RBFOX1: variants seen among roughly 807,000 people sequenced by gnomAD.
RBFOX1 encodes the protein RNA binding fox-1 homolog 1, also known as RNA binding protein fox-1 homolog 1.
In RBFOX1, 8 loss-of-function variants were observed where a neutral mutation model predicts 57.7. That is an observed-to-expected ratio of 0.14 (90% confidence interval 0.08 to 0.25). RBFOX1 has a LOEUF of 0.25. RBFOX1 is among the 10% of genes least tolerant of loss of function. The pLI is 1.00. For missense variants in RBFOX1, 611 were observed against 548.5 expected (o/e 1.11, Z -1.14); for synonymous variants, 326 against 222.4 (o/e 1.47, Z -4.15).
intron 4 of RBFOX1, among the ~76,000 whole-genome samples, chr16:7,061,469 C>A (rs2054253104): frequency 6.6e-6 from 1 of 152,050 alleles, no homozygotes; most frequent in African/African-American, 2.4e-5. Flanking sequence ...GTACAGGTGT[C>A]CACTTTTCTT....
chr16:7,204,382 C>A (rs1049341524), intron 4 of RBFOX1, among the ~76,000 whole-genome samples: 3 of 150,954 alleles, frequency 2.0e-5, no homozygotes, highest in Non-Finnish European at 4.4e-5. Context: ...TGGCATATAC[C>A]TGAAATCCCA....
intron 1 of RBFOX1, among the ~76,000 whole-genome samples, chr16:6,140,030 T>G (rs2096703070): frequency 6.6e-6 from 1 of 151,644 alleles, no homozygotes; most frequent in African/African-American, 2.4e-5. Context: ...TCTTACCAAA[T>G]GCTCTTCTCC....
chr16:6,807,709 G>A (rs752972754), intron 3 of RBFOX1, among the ~76,000 whole-genome samples: 7 of 152,006 alleles, frequency 4.6e-5, no homozygotes, highest in East Asian at 1.9e-4. Context: ...GGAGCTACTC[G>A]GGAGGCTAAG....
At chr16:5,751,428 C>T (rs1791665203) in intron 3 of RBFOX1, among the ~76,000 whole-genome samples, 2 of 152,142 alleles carry the variant, frequency 1.3e-5, no homozygotes, top group South Asian at 2.1e-4. Flanking sequence ...GATACCGTCT[C>T]CACCCAATAG....
intron 4 of RBFOX1, among the ~76,000 whole-genome samples, chr16:5,912,912 C>T (rs982351234): frequency 6.6e-6 from 1 of 152,150 alleles, no homozygotes; most frequent in Non-Finnish European, 1.5e-5. Context: ...CCTCCAGACC[C>T]AAGAACAGAG....
intron 2 of RBFOX1, among the ~76,000 whole-genome samples, chr16:6,386,986 G>A (rs887619597): frequency 6.6e-6 from 1 of 152,176 alleles, no homozygotes; most frequent in African/African-American, 2.4e-5. Context: ...CCGCAAAGAT[G>A]AAGCTCAGAG....
intron 3 of RBFOX1, among the ~76,000 whole-genome samples, chr16:5,732,609 C>A (rs777947181): frequency 2.0e-5 from 3 of 152,212 alleles, no homozygotes; most frequent in Non-Finnish European, 4.4e-5. Context: ...GTCTCCGTTT[C>A]TGCACTTGTA....
chr16:6,643,866 C>G (rs776990286), intron 2 of RBFOX1, among the ~76,000 whole-genome samples: 1 of 152,108 alleles, frequency 6.6e-6, no homozygotes, highest in Non-Finnish European at 1.5e-5. Context: ...TGGGTCATGC[C>G]TGTAATCCCA....
chr16:7,341,678 G>C (rs1012015247), intron 4 of RBFOX1, among the ~76,000 whole-genome samples: 2 of 151,200 alleles, frequency 1.3e-5, no homozygotes, highest in Non-Finnish European at 2.9e-5. Flanking sequence ...CTACATTTCA[G>C]AGAACAATGG....
At chr16:6,754,246 C>T (rs1158881077) in intron 3 of RBFOX1, among the ~76,000 whole-genome samples, 1 of 152,130 alleles carries the variant, frequency 6.6e-6, no homozygotes, top group Non-Finnish European at 1.5e-5. Context: ...TGTTCACCTG[C>T]TTTATTCAGA....
intron 2 of RBFOX1, among the ~76,000 whole-genome samples, chr16:6,513,683 G>A (rs1325003093): frequency 3.9e-5 from 6 of 152,212 alleles, no homozygotes; most frequent in South Asian, 2.1e-4. Flanking sequence ...GTAGTGAGCC[G>A]AAATCGCACC....
At chr16:6,875,082 A>G (rs1405642297) in intron 3 of RBFOX1, among the ~76,000 whole-genome samples, 1 of 152,178 alleles carries the variant, frequency 6.6e-6, no homozygotes, top group Non-Finnish European at 1.5e-5. Context: ...GTAAGGACTC[A>G]AAATGTAGGT....
chr16:7,310,621 T>A (rs1221263933), intron 4 of RBFOX1, among the ~76,000 whole-genome samples: 1 of 152,216 alleles, frequency 6.6e-6, no homozygotes, highest in African/African-American at 2.4e-5. Context: ...GTCCTGCCAA[T>A]CTACCCATTA....
intron 3 of RBFOX1, chr16:6,773,959 T>C: frequency 2.0e-6 from 2 of 985,328 alleles, no homozygotes; most frequent in Non-Finnish European, 2.4e-6. Context: ...ACGCACATGG[T>C]TCTCATGGTC....
At chr16:5,341,389 T>C (rs990864514) in intron 1 of RBFOX1, among the ~76,000 whole-genome samples, 1 of 152,174 alleles carries the variant, frequency 6.6e-6, no homozygotes, top group Non-Finnish European at 1.5e-5. Context: ...CCAATTATAC[T>C]AGTCCAGGAG....
chr16:6,955,123 C>T (rs1305389215), intron 3 of RBFOX1, among the ~76,000 whole-genome samples: 1 of 151,514 alleles, frequency 6.6e-6, no homozygotes, highest in Non-Finnish European at 1.5e-5. Flanking sequence ...TGCCTGTAGT[C>T]CCAGCTACTT....
At chr16:6,158,574 G>C (rs889841173) in intron 1 of RBFOX1, among the ~76,000 whole-genome samples, 1 of 152,276 alleles carries the variant, frequency 6.6e-6, no homozygotes, top group Admixed American at 6.5e-5. Flanking sequence ...AAATGGAGTG[G>C]TGTTTTTTAG....
chr16:5,905,447 C>T (rs571123032), intron 4 of RBFOX1, among the ~76,000 whole-genome samples: 1 of 152,096 alleles, frequency 6.6e-6, no homozygotes, highest in African/African-American at 2.4e-5. Context: ...CGCAGTGGCT[C>T]TTGCCTGTAA....
intron 2 of RBFOX1, among the ~76,000 whole-genome samples, chr16:6,454,892 T>G (rs1044556357): frequency 3.2e-4 from 22 of 68,078 alleles, no homozygotes; most frequent in South Asian, 4.8e-4. Context: ...TTTTTTTTTT[T>G]TTTTTTTTTG....
Sources: allele counts gnomAD v4.1 joint callset (sites outside exome capture counted in the v4.1 genomes callset), GRCh38; gene constraint gnomAD v4.1.1; transcripts MANE v1.5; gene names NCBI Gene and HGNC (gene_info 2026-07-23, HGNC 2026-07-21).